Variants in EHBP1 observed in about 807,000 individuals in gnomAD.
EHBP1 encodes the protein EH domain binding protein 1.
In EHBP1, 55 loss-of-function variants were observed where a neutral mutation model predicts 144.0. The observed-to-expected ratio is 0.38, with a 90% CI of 0.31 to 0.48. The LOEUF (loss-of-function observed/expected upper bound fraction) is 0.48, where lower values mean the gene tolerates loss of function less well. Among genes scored for constraint, EHBP1 ranks in the 20% least tolerant of loss-of-function variants. The pLI, the probability that EHBP1 is intolerant of heterozygous loss-of-function variation, is 0.98. For missense variants in EHBP1, 1,200 were observed against 1,364.2 expected (o/e 0.88, Z 1.90); for synonymous variants, 469 against 472.7 (o/e 0.99, Z 0.10).
intron 2 of EHBP1, among the ~76,000 whole-genome samples, chr2:62,707,899 A>G (rs2034756967): frequency 6.6e-6 from 1 of 152,240 alleles, no homozygotes; most frequent in Admixed American, 6.5e-5. Context: ...GCCAGATTTA[A>G]GGAAGCAATT....
At chr2:63,004,467 A>G (rs1450170927) in intron 19 of EHBP1, among the ~76,000 whole-genome samples, 1 of 152,110 alleles carries the variant, frequency 6.6e-6, no homozygotes, top group Non-Finnish European at 1.5e-5. Flanking sequence ...ACCAAATGAC[A>G]GTGATTGGTA....
At chr2:62,716,206 A>C (rs1287805550) in intron 2 of EHBP1, among the ~76,000 whole-genome samples, 4 of 151,968 alleles carry the variant, frequency 2.6e-5, no homozygotes, top group Non-Finnish European at 5.9e-5. Flanking sequence ...CAACCCGGGA[A>C]CTTCCCAGGC....
chr2:62,904,812 C>T (rs1208111605), intron 10 of EHBP1, among the ~76,000 whole-genome samples: 1 of 152,166 alleles, frequency 6.6e-6, no homozygotes, highest in Non-Finnish European at 1.5e-5. Flanking sequence ...GATGGAGTCT[C>T]TCTCTGCCAC....
At chr2:62,915,447 T>C (rs1266182396) in intron 10 of EHBP1, among the ~76,000 whole-genome samples, 2 of 152,120 alleles carry the variant, frequency 1.3e-5, no homozygotes, top group Non-Finnish European at 2.9e-5. Context: ...CCATTTTATA[T>C]GGATTTTAAT....
intron 9 of EHBP1, among the ~76,000 whole-genome samples, chr2:62,867,297 A>C (rs891418527): frequency 6.6e-6 from 1 of 152,178 alleles, no homozygotes; most frequent in African/African-American, 2.4e-5. Context: ...ACTTGAAGAC[A>C]CTTTTTTCAG....
intron 7 of EHBP1, among the ~76,000 whole-genome samples, chr2:62,846,289 A>C (rs951370137): frequency 2.0e-5 from 3 of 152,176 alleles, no homozygotes; most frequent in African/African-American, 7.2e-5. Context: ...GCCTTCCAGT[A>C]TTTAGGGGAG....
At chr2:62,838,023 T>A (rs1019779560) in intron 7 of EHBP1, among the ~76,000 whole-genome samples, 8 of 149,298 alleles carry the variant, frequency 5.4e-5, no homozygotes, top group African/African-American at 2.0e-4. Flanking sequence ...CCACCCCAAA[T>A]CAACAGAATA....
At chr2:62,945,532 A>G (rs1389186011) in intron 12 of EHBP1, among the ~76,000 whole-genome samples, 1 of 152,190 alleles carries the variant, frequency 6.6e-6, no homozygotes, top group East Asian at 1.9e-4. Flanking sequence ...GTGTATTGCT[A>G]TCAAAAAGAT....
chr2:63,014,458 A>C (rs959510999), intron 19 of EHBP1, among the ~76,000 whole-genome samples: 1 of 152,214 alleles, frequency 6.6e-6, no homozygotes, highest in Non-Finnish European at 1.5e-5. Flanking sequence ...TAACAACATA[A>C]ATTTAAGATT....
At chr2:63,030,789 CTT>C (rs1226186842) in intron 19 of EHBP1, among the ~76,000 whole-genome samples, 4 of 85,094 alleles carry the variant, frequency 4.7e-5, no homozygotes, top group Non-Finnish European at 6.6e-5. Flanking sequence ...GCACACCCAG[CTT>C]TTTTTTTTTT....
At chr2:63,012,220 T>C (rs1018947940) in intron 19 of EHBP1, among the ~76,000 whole-genome samples, 1 of 152,012 alleles carries the variant, frequency 6.6e-6, no homozygotes, top group Non-Finnish European at 1.5e-5. Context: ...CATACTAGTC[T>C]AGTGGTTTCC....
At chr2:62,878,505 A>G (rs1353446090) in intron 10 of EHBP1, among the ~76,000 whole-genome samples, 1 of 152,220 alleles carries the variant, frequency 6.6e-6, no homozygotes, top group Admixed American at 6.5e-5. Context: ...TGGCAAAGAC[A>G]CAACAAAAAA....
chr2:62,953,207 A>G (rs188550341), intron 13 of EHBP1, among the ~76,000 whole-genome samples: 67 of 142,760 alleles, frequency 4.7e-4, no homozygotes, highest in Admixed American at 4.0e-3. Flanking sequence ...ACAAGAGCGA[A>G]AGTCCGTCTC....
At chr2:62,983,195 A>C (rs2059043170) in intron 15 of EHBP1, among the ~76,000 whole-genome samples, 1 of 152,164 alleles carries the variant, frequency 6.6e-6, no homozygotes, top group Non-Finnish European at 1.5e-5. Context: ...GGTTGTATGA[A>C]TCTTTCCTGA....
At chr2:62,837,681 G>T (rs2047399016) in intron 7 of EHBP1, among the ~76,000 whole-genome samples, 1 of 148,042 alleles carries the variant, frequency 6.8e-6, no homozygotes, top group African/African-American at 2.5e-5. Context: ...AAAGGCAGGG[G>T]TTGCAATCCT....
At chr2:62,675,669 A>G (rs1363875121) in intron 1 of EHBP1, among the ~76,000 whole-genome samples, 3 of 152,204 alleles carry the variant, frequency 2.0e-5, no homozygotes, top group Admixed American at 6.5e-5. Context: ...TGCTGCAAAA[A>G]AAGGCCACAT....
intron 6 of EHBP1, among the ~76,000 whole-genome samples, chr2:62,830,195 C>CAT (rs1214972818): frequency 0.016 from 1,887 of 116,142 alleles, 22 homozygotes; most frequent in Middle Eastern, 0.049. Context: ...CACACACACA[C>CAT]ATATATATAC....
At chr2:62,905,484 A>C (rs2053723116) in intron 10 of EHBP1, among the ~76,000 whole-genome samples, 1 of 152,184 alleles carries the variant, frequency 6.6e-6, no homozygotes, top group Non-Finnish European at 1.5e-5. Context: ...GCATCTATTA[A>C]AGAGTATTTT....
At chr2:62,737,225 T>C (rs1474666164) in intron 2 of EHBP1, among the ~76,000 whole-genome samples, 1 of 152,208 alleles carries the variant, frequency 6.6e-6, no homozygotes, top group Non-Finnish European at 1.5e-5. Context: ...AAGAAAAGAA[T>C]GCTCTGGGAT....
Sources: gnomAD v4.1 joint callset for allele counts (sites outside exome capture counted in the v4.1 genomes callset) on GRCh38, gnomAD v4.1.1 for gene constraint, MANE v1.5 for transcripts, NCBI Gene and HGNC (gene_info 2026-07-23, HGNC 2026-07-21) for gene names.